NPAS3: variants seen among roughly 807,000 people sequenced by gnomAD.
NPAS3 encodes the protein neuronal PAS domain protein 3.
NPAS3 carries 14 observed loss-of-function variants against 73.1 expected under a neutral mutation model. That is an observed-to-expected ratio of 0.19 (90% CI 0.13 to 0.30). NPAS3 has a LOEUF of 0.30. Among genes scored for constraint, NPAS3 ranks in the 10% least tolerant of loss-of-function variants. NPAS3 has a pLI of 1.00. For synonymous variants in NPAS3, 620 were observed against 541.5 expected, an observed-to-expected ratio of 1.14 and a Z score of -2.01; for missense variants, 1,096 against 1,250.0, an observed-to-expected ratio of 0.88 and a Z score of 1.86.
At chr14:33,291,181 C>G (rs1215691503) in intron 3 of NPAS3, among the ~76,000 whole-genome samples, 2 of 152,108 alleles carry the variant, frequency 1.3e-5, no homozygotes, top group East Asian at 3.9e-4. Context: ...ACTAGGCAGT[C>G]TAGCTTCCAG....
intron 2 of NPAS3, among the ~76,000 whole-genome samples, chr14:33,189,204 T>C (rs1370305605): frequency 3.3e-5 from 5 of 152,222 alleles, no homozygotes; most frequent in African/African-American, 1.2e-4. Context: ...TTCATGTCTT[T>C]GGCAGCTGAA....
chr14:33,386,185 G>T (rs750358693), intron 4 of NPAS3, among the ~76,000 whole-genome samples: 1 of 152,022 alleles, frequency 6.6e-6, no homozygotes, highest in Non-Finnish European at 1.5e-5. Context: ...CTATCATGGA[G>T]ATTTGGCTAA....
intron 3 of NPAS3, among the ~76,000 whole-genome samples, chr14:33,341,916 A>G (rs1345085493): frequency 1.3e-5 from 2 of 152,156 alleles, no homozygotes; most frequent in Non-Finnish European, 2.9e-5. Flanking sequence ...AGCATAGTTT[A>G]TCTTTGAAGT....
At chr14:33,464,059 CT>C (rs1258891489) in intron 4 of NPAS3, among the ~76,000 whole-genome samples, 1 of 152,074 alleles carries the variant, frequency 6.6e-6, no homozygotes, top group South Asian at 2.1e-4. Flanking sequence ...AAAAGCTGCC[CT>C]TTTTTTGTTC....
chr14:33,653,637 A>G (rs2140241625), intron 5 of NPAS3, among the ~76,000 whole-genome samples: 1 of 152,336 alleles, frequency 6.6e-6, no homozygotes, highest in Admixed American at 6.5e-5. Flanking sequence ...TCTGTCAGAG[A>G]TTAGTTTTGA....
chr14:33,782,544 T>C (rs1326600902), intron 9 of NPAS3, among the ~76,000 whole-genome samples: 1 of 152,196 alleles, frequency 6.6e-6, no homozygotes, highest in Non-Finnish European at 1.5e-5. Context: ...GCAACAACTT[T>C]CTAAAACCTT....
chr14:33,593,895 A>G (rs1433768900), intron 5 of NPAS3, among the ~76,000 whole-genome samples: 1 of 152,144 alleles, frequency 6.6e-6, no homozygotes, highest in Non-Finnish European at 1.5e-5. Flanking sequence ...GGTTCTCTCA[A>G]AGCTGACTTA....
chr14:33,361,033 C>T (rs2045576909), intron 3 of NPAS3, among the ~76,000 whole-genome samples: 1 of 152,150 alleles, frequency 6.6e-6, no homozygotes, highest in East Asian at 1.9e-4. Context: ...TTAATCACCC[C>T]ATATGTAGCC....
chr14:33,233,256 A>C lies in NPAS3; in HGVS notation c.385+17830A>C, dbSNP rs73254935. Among the ~76,000 whole-genome samples the C allele has an allele frequency of 2.2e-3, 334 of 152,282 alleles. 2 individuals are homozygous for C. Among genetic ancestry groups the C allele is most frequent in the African/African-American group, 7.8e-3 (326 of 41,558 alleles). The stretch of plus-strand genomic sequence containing the variant: ...TCACAAACAATGAACCCCGAATGCT[A>C]TAAATTAACTTTATTTACTGACTTT... On this transcript the variant is annotated intron_variant, in intron 3 of 11. Transcript: ENST00000356141.
chr14:33,722,884 T>A (rs1275898605), intron 6 of NPAS3, among the ~76,000 whole-genome samples: 1 of 152,110 alleles, frequency 6.6e-6, no homozygotes, highest in African/African-American at 2.4e-5. Flanking sequence ...CATTTCAAGA[T>A]GTGCTGGAAT....
intron 4 of NPAS3, among the ~76,000 whole-genome samples, chr14:33,385,138 C>T (rs2046723315): frequency 6.6e-6 from 1 of 152,152 alleles, no homozygotes; most frequent in African/African-American, 2.4e-5. Flanking sequence ...TTTCTTGTTT[C>T]ATTTTGCGGC....
At chr14:33,482,530 G>A (rs1045079037) in intron 4 of NPAS3, among the ~76,000 whole-genome samples, 4 of 152,164 alleles carry the variant, frequency 2.6e-5, no homozygotes, top group African/African-American at 7.2e-5. Flanking sequence ...GATAGGAGAT[G>A]ACATTTCAGA....
intron 1 of NPAS3, among the ~76,000 whole-genome samples, chr14:33,040,857 A>C (rs1293420712): frequency 6.6e-6 from 1 of 152,180 alleles, no homozygotes; most frequent in South Asian, 2.1e-4. Context: ...TCACATTTGC[A>C]TAGAACTTGC....
intron 1 of NPAS3, among the ~76,000 whole-genome samples, chr14:32,983,025 G>GA (rs958575084): frequency 1.3e-5 from 2 of 151,222 alleles, no homozygotes; most frequent in Non-Finnish European, 3.0e-5. Context: ...AAGATGAAAG[G>GA]AAAAAAAAGT....
At chr14:33,400,717 A>G (rs1354875140) in intron 4 of NPAS3, among the ~76,000 whole-genome samples, 1 of 152,038 alleles carries the variant, frequency 6.6e-6, no homozygotes, top group East Asian at 1.9e-4. Flanking sequence ...TTTCAGTGGC[A>G]TTTGGAAACA....
chr14:33,114,896 C>CA (rs1566575414), intron 2 of NPAS3, among the ~76,000 whole-genome samples: 1 of 151,970 alleles, frequency 6.6e-6, no homozygotes, highest in African/African-American at 2.4e-5. Flanking sequence ...TTAAAAGATG[C>CA]AAAAATGTAT....
At chr14:33,216,366 G>A (rs2047224621) in intron 3 of NPAS3, among the ~76,000 whole-genome samples, 1 of 152,174 alleles carries the variant, frequency 6.6e-6, no homozygotes, top group South Asian at 2.1e-4. Context: ...TGATAGGAAA[G>A]GGTACTAGTC....
chr14:33,578,083 T>G (rs926966051), intron 5 of NPAS3, among the ~76,000 whole-genome samples: 3 of 152,244 alleles, frequency 2.0e-5, no homozygotes, highest in African/African-American at 7.2e-5. Flanking sequence ...TCTAGTTCTT[T>G]CTAAAGGCCG....
At chr14:33,468,635 A>T (rs2050639561) in intron 4 of NPAS3, among the ~76,000 whole-genome samples, 5 of 152,192 alleles carry the variant, frequency 3.3e-5, no homozygotes, top group Admixed American at 3.3e-4. Flanking sequence ...CTCTTTCTGG[A>T]TGGACCCAAT....
Sources: gnomAD v4.1 joint callset for allele counts (sites outside exome capture counted in the v4.1 genomes callset) on GRCh38, gnomAD v4.1.1 for gene constraint, MANE v1.5 for transcripts, NCBI Gene and HGNC (gene_info 2026-07-23, HGNC 2026-07-21) for gene names.